FBXO4: variants seen among roughly 807,000 people sequenced by gnomAD.
FBXO4 encodes F-box protein 4, also known as F-box only protein 4.
A neutral mutation model predicts 43.7 loss-of-function variants in FBXO4; 36 were observed. That is an observed-to-expected ratio of 0.82 (90% confidence interval 0.63 to 1.09). The LOEUF is 1.09. Among genes scored for constraint, FBXO4 ranks in the 50% least tolerant of loss-of-function variants. FBXO4 has a pLI of 0.00. For synonymous variants in FBXO4, 180 were observed against 165.6 expected (o/e 1.09, Z -0.67); for missense variants, 435 against 474.1 (o/e 0.92, Z 0.77).
the FBXO4 span, among the ~76,000 whole-genome samples, chr5:42,000,016 C>T: frequency 6.6e-6 from 1 of 152,084 alleles, no homozygotes; most frequent in Non-Finnish European, 1.5e-5. Flanking sequence ...TCATTATACT[C>T]TCTGCTTTTA....
chr5:41,935,384 G>A (rs1579982208), intron 5 of FBXO4, among the ~76,000 whole-genome samples: 3 of 152,350 alleles, frequency 2.0e-5, no homozygotes, highest in Middle Eastern at 3.4e-3. Flanking sequence ...ACCAGCTGGT[G>A]CTTGAAGACA....
the FBXO4 span, among the ~76,000 whole-genome samples, chr5:42,003,028 A>G: frequency 1.3e-5 from 2 of 152,160 alleles, no homozygotes; most frequent in Non-Finnish European, 2.9e-5. Flanking sequence ...TTATAATTGG[A>G]TATGTTTTTG....
At chr5:42,034,371 G>T in the FBXO4 span, among the ~76,000 whole-genome samples, 2 of 152,050 alleles carry the variant, frequency 1.3e-5, no homozygotes, top group Non-Finnish European at 2.9e-5. Flanking sequence ...AGTTTAATTA[G>T]GTCCCATTTC....
chr5:41,995,201 G>C, the FBXO4 span, among the ~76,000 whole-genome samples: 16 of 152,316 alleles, frequency 1.1e-4, no homozygotes, highest in South Asian at 3.1e-3. Flanking sequence ...CAGAGGCAAT[G>C]CTGTGTGGAA....
chr5:41,926,383 C>G (rs1751500184), intron 1 of FBXO4, among the ~76,000 whole-genome samples: 1 of 152,158 alleles, frequency 6.6e-6, no homozygotes, highest in Non-Finnish European at 1.5e-5. Context: ...ACCATCCTGG[C>G]TAACACGGTG....
chr5:41,931,804 TG>T (rs1751695266), intron 3 of FBXO4, among the ~76,000 whole-genome samples: 1 of 152,160 alleles, frequency 6.6e-6, no homozygotes, highest in South Asian at 2.1e-4. Flanking sequence ...AGTTTATGTT[TG>T]GGGGAAGTGA....
At chr5:41,927,998 C>T (rs1428274661) in intron 2 of FBXO4, among the ~76,000 whole-genome samples, 1 of 152,074 alleles carries the variant, frequency 6.6e-6, no homozygotes, top group Non-Finnish European at 1.5e-5. Flanking sequence ...AATATTTATT[C>T]TTTAAAAATT....
At chr5:41,989,590 A>G in the FBXO4 span, among the ~76,000 whole-genome samples, 1 of 152,166 alleles carries the variant, frequency 6.6e-6, no homozygotes, top group Non-Finnish European at 1.5e-5. Context: ...AACAGTTTGA[A>G]GATCAGAGTG....
At chr5:42,012,322 G>C in the FBXO4 span, among the ~76,000 whole-genome samples, 1 of 152,026 alleles carries the variant, frequency 6.6e-6, no homozygotes. Flanking sequence ...ATAGATGTGA[G>C]CATGTGTGTG....
chr5:42,027,378 C>T, the FBXO4 span, among the ~76,000 whole-genome samples: 1 of 151,758 alleles, frequency 6.6e-6, no homozygotes, highest in Non-Finnish European at 1.5e-5. Flanking sequence ...TGAATTTCTT[C>T]AGTATCAGTT....
chr5:42,013,031 G>A, the FBXO4 span, among the ~76,000 whole-genome samples: 2 of 152,138 alleles, frequency 1.3e-5, no homozygotes, highest in Non-Finnish European at 2.9e-5. Context: ...GGAAGGCTGG[G>A]CACAGTGGCT....
At chr5:42,030,707 A>G in the FBXO4 span, among the ~76,000 whole-genome samples, 1 of 151,936 alleles carries the variant, frequency 6.6e-6, no homozygotes, top group African/African-American at 2.4e-5. Flanking sequence ...CAACCTACTC[A>G]TCTGACAAAG....
the FBXO4 span, among the ~76,000 whole-genome samples, chr5:41,952,579 G>C: frequency 6.6e-6 from 1 of 152,058 alleles, no homozygotes; most frequent in African/African-American, 2.4e-5. Flanking sequence ...ACCTCAAAAA[G>C]GAACTTTGTG....
At chr5:41,951,444 G>A in the FBXO4 span, 5 of 237,858 alleles carry the variant, frequency 2.1e-5, no homozygotes, top group South Asian at 1.5e-4. Context: ...CATGCAACCT[G>A]CACACCTTCA....
At chr5:41,976,588 T>C in the FBXO4 span, among the ~76,000 whole-genome samples, 3 of 152,210 alleles carry the variant, frequency 2.0e-5, no homozygotes, top group African/African-American at 4.8e-5. Context: ...TTTGATCCCA[T>C]GTCCTGCATC....
the FBXO4 span, among the ~76,000 whole-genome samples, chr5:42,029,397 T>C: frequency 1.3e-5 from 2 of 152,076 alleles, no homozygotes; most frequent in African/African-American, 2.4e-5. Context: ...TTTGGAAATT[T>C]TATTATTAAA....
chr5:41,953,428 G>A, the FBXO4 span, among the ~76,000 whole-genome samples: 6 of 152,158 alleles, frequency 3.9e-5, no homozygotes, highest in African/African-American at 1.4e-4. Flanking sequence ...CCAAGTCTTT[G>A]CTATTGTGAA....
the FBXO4 span, among the ~76,000 whole-genome samples, chr5:41,965,280 A>C: frequency 1.3e-5 from 2 of 152,112 alleles, no homozygotes; most frequent in Non-Finnish European, 2.9e-5. Context: ...TGTTTTTGTT[A>C]CTGTAGCCTT....
chr5:42,028,792 C>G, the FBXO4 span, among the ~76,000 whole-genome samples: 2 of 151,212 alleles, frequency 1.3e-5, no homozygotes, highest in South Asian at 4.2e-4. Context: ...TTTGCATAAA[C>G]AAACAAACAA....
Sources: gnomAD v4.1 joint callset for allele counts (sites outside exome capture counted in the v4.1 genomes callset) on GRCh38, gnomAD v4.1.1 for gene constraint, MANE v1.5 for transcripts, NCBI Gene and HGNC (gene_info 2026-07-23, HGNC 2026-07-21) for gene names.